The following MYH4 variants were observed in gnomAD, a reference collection of about 807,000 sequenced individuals.
MYH4 encodes myosin-4.
MYH4 carries 200 observed loss-of-function variants against 229.9 expected under a neutral mutation model. That is an observed-to-expected ratio of 0.87 (90% CI 0.78 to 0.98). MYH4 has a LOEUF of 0.98. Ranked by LOEUF, MYH4 falls within the 50% of genes least tolerant of loss-of-function variation. The pLI is 0.00. For missense variants in MYH4, 2,148 were observed against 2,332.6 expected (o/e 0.92, Z 1.63); for synonymous variants, 761 against 834.6 (o/e 0.91, Z 1.52).
chr17:10,452,661 A>G (rs2072590462), intron 25 of MYH4, 126 bp downstream of exon 25: 2 of 1,292,990 alleles, frequency 1.5e-6, no homozygotes, highest in Non-Finnish European at 2.1e-6. Context: ...ATTAAATAAA[A>G]AGGTCAAAGA....
At chr17:10,463,448 C>G (rs1170669798) in intron 8 of MYH4, 47 bp from the exon 9 acceptor site, 1 of 1,591,970 alleles carries the variant, frequency 6.3e-7, no homozygotes, top group African/African-American at 1.3e-5. Flanking sequence ...AAATCAGAAA[C>G]TATTTCTTTA....
Position 10,459,555 on chromosome 17 carries a change from T to C in MYH4, c.1417-134A>G, listed in dbSNP as rs2072678423. The C allele has an allele frequency of 3.4e-6, 5 of 1,455,502 alleles. No homozygotes were observed. The South Asian group carries it at 5.3e-5, about 15-fold the overall frequency. The allele number at this position is 1,455,502 out of a possible 1,614,324, so 90.2% of individuals were successfully genotyped here. Reference sequence around the variant, plus strand: ...AAACCTTCAGATTGTTTTCCTATTATATAGTTCTAAACAAAGTAGAATTGA... The same window carrying C: ...AAACCTTCAGATTGTTTTCCTATTACATAGTTCTAAACAAAGTAGAATTGA... On this transcript the variant is annotated intron_variant, in intron 14 of 39. Coordinates refer to ENST00000255381, the MANE Select transcript of MYH4 (RefSeq NM_017533.2).
At chr17:10,447,268 C>T (rs2072522614) in intron 34 of MYH4, 52 bp from the exon 35 acceptor site, 1 of 1,519,350 alleles carries the variant, frequency 6.6e-7, no homozygotes, top group Non-Finnish European at 9.1e-7. Flanking sequence ...AAAGCAAATG[C>T]AAACTTATGG....
At chr17:10,453,998 A>G (rs1288353823) in intron 22 of MYH4, 113 bp from the exon 23 acceptor site, 2 of 1,375,612 alleles carry the variant, frequency 1.5e-6, no homozygotes, top group Non-Finnish European at 2.0e-6. Context: ...CATGTATACC[A>G]GTTGCTAACT....
At position 10,461,047 on chromosome 17, in the gene MYH4, A is replaced by G. The variant is rs2072696547; in HGVS notation, c.1016T>C (p.Val339Ala). ...QEELMATDSA[V>A]DILGFTADEK... ...ATCAGCAGTGAAACCCAGGATGTCC[A>G]CAGCACTCTGTCAAAAGAGTTGAAT... The change falls in exon 12 of 40, where the codon GTG (valine) becomes GCG (alanine). Residue 339 changes from valine (V) to alanine (A), a missense_variant. Coordinates refer to ENST00000255381, the MANE Select transcript of MYH4 (RefSeq NM_017533.2). 1.9e-6 allele frequency: 3 copies of G among 1,614,116 alleles called. No homozygotes were observed. The highest frequency in any genetic ancestry group is 1.7e-5 in the Admixed American group (1 of 60,030).
chr17:10,456,564 C>G lies in MYH4; in HGVS notation c.1898-9G>C. 1 of 1,612,746 alleles carries G rather than the reference C, an allele frequency of 6.2e-7. No individual in the cohort carries two copies. The highest frequency in any genetic ancestry group is 8.5e-7 in the Non-Finnish European group (1 of 1,179,014). On this transcript the variant is annotated splice_polypyrimidine_tract_variant and intron_variant, in intron 16 of 39. Transcript: ENST00000255381. ...CTTTCCACCACCACCCTCTAAAAAA[C>G]AAAATGGGAAAAATAAAGTTATTTG...
rs749617157 is a variant in MYH4 at position 10,457,673 on chromosome 17, G to T, written c.1644C>A (p.Asp548Glu). ...EEECMFPKAT[D>E]TSFKNKLYEQ... ...CATACAGCTTGTTCTTGAAGGAGGT[G>T]TCTGTTGCCTTGGGGAACATGCACT... Residue 548 changes from aspartate to glutamate, a missense_variant, in exon 16 of 40, where the codon GAC becomes GAA. Transcript: ENST00000255381. 6.2e-7 allele frequency: 1 copy of T among 1,614,206 alleles called. No individual in the cohort carries two copies. The highest frequency in any genetic ancestry group is 8.5e-7 in the Non-Finnish European group (1 of 1,180,034).
Position 10,455,269 on chromosome 17 carries a change from A to G in MYH4, c.2201T>C (p.Ile734Thr), listed in dbSNP as rs747312194. 1.2e-6 allele frequency: 2 copies of G among 1,613,826 alleles called. No homozygotes were observed. The highest frequency in any genetic ancestry group is 1.6e-4 in the Middle Eastern group (1 of 6,084). The change falls in exon 20 of 40, where the codon ATC becomes ACC. Residue 734 changes from isoleucine to threonine, a missense_variant. Physicochemically the swap from Ile to Thr is moderately conservative, Grantham distance 89. Coordinates refer to ENST00000255381, the MANE Select transcript of MYH4 (RefSeq NM_017533.2). ...GCTGTCAATGAACTGACCCTCTGGGATAGCACTCGCATTTAGAACCTTGTA... is the reference window on the plus strand; with the variant it reads ...GCTGTCAATGAACTGACCCTCTGGGGTAGCACTCGCATTTAGAACCTTGTA... ...QRYKVLNASA[I>T]PEGQFIDSKK...
chr17:10,448,538 C>G lies in MYH4; in HGVS notation c.4532-18G>C, dbSNP rs934227134. On this transcript the variant is annotated intron_variant, in intron 32 of 39. Transcript: ENST00000255381. ...AATCTCCTCTGTAATAATAAAGTAC[C>G]AAATTTCAGTTAAGTAGAAAGAAAA... The G allele has an allele frequency of 1.2e-6, 2 of 1,610,924 alleles. No individual in the cohort carries two copies. The highest frequency in any genetic ancestry group is 1.7e-6 in the Non-Finnish European group (2 of 1,179,174).
At chr17:10,466,177 G>A (rs534725147) in intron 4 of MYH4, 96 bp downstream of exon 4, 598 of 1,416,224 alleles carry the variant, frequency 4.2e-4, no homozygotes, top group Middle Eastern at 1.2e-3. Flanking sequence ...TAAAAGAACA[G>A]TTCAATAGCC....
chr17:10,461,097 G>A (rs1369931627), intron 11 of MYH4, 43 bp from the exon 12 acceptor site: 1 of 1,608,006 alleles, frequency 6.2e-7, no homozygotes. Flanking sequence ...TTAGCACCAT[G>A]GAAGAATCCC....
Position 10,463,623 on chromosome 17 carries a change from G to A in MYH4, c.669C>T (p.Ile223=), listed in dbSNP as rs1023014568. 12 of 1,610,708 alleles carry A rather than the reference G, an allele frequency of 7.5e-6. No individual in the cohort carries two copies. Among genetic ancestry groups the A allele is most frequent in the Non-Finnish European group, 9.3e-6 (11 of 1,178,784 alleles). The change falls in exon 8 of 40, where the codon ATC becomes ATT. Residue 223 remains isoleucine (I), a synonymous_variant. Transcript: ENST00000255381. The part of the protein sequence containing the change: ...GKMQGTLEDQ[I]ISANPLLEAF... Reference sequence around the variant, plus strand: ...CTTCCAGTAGGGGGTTAGCACTGATGATTTGATCTTCAAGGGTCCCCTTAA... The same window carrying A: ...CTTCCAGTAGGGGGTTAGCACTGATAATTTGATCTTCAAGGGTCCCCTTAA...
At chr17:10,462,764 C>T in intron 11 of MYH4, 101 bp downstream of exon 11, 1 of 916,112 alleles carries the variant, frequency 1.1e-6, no homozygotes, top group Non-Finnish European at 1.6e-6. Context: ...GTTGTATTAC[C>T]TATTTATAGT....
Position 10,447,955 on chromosome 17 carries a change from T to C in MYH4, c.4828A>G (p.Arg1610Gly), listed in dbSNP as rs2072529900. 1 of 1,614,060 alleles carries C rather than the reference T, an allele frequency of 6.2e-7. No homozygotes were observed. The highest frequency in any genetic ancestry group is 8.5e-7 in the Non-Finnish European group (1 of 1,179,982). The stretch of plus-strand genomic sequence containing the variant: ...ATCCTCAGAGCATCATTTCTGCTCC[T>C]GATCTCAGCATCCAGTGTACTCTGC... The part of the protein sequence containing the change: ...SMQSTLDAEI[R>G]SRNDALRIKK... Residue 1610 changes from arginine to glycine, a missense_variant, in exon 34 of 40, where the codon AGG becomes GGG. Physicochemically the swap from Arg to Gly is moderately radical, Grantham distance 125. Transcript: ENST00000255381.
rs780476111 is a variant in MYH4 at position 10,445,031 on chromosome 17, G to A, written c.5411C>T (p.Ala1804Val). 3.7e-6 allele frequency: 6 copies of A among 1,614,090 alleles called. No individual in the cohort carries two copies. The Admixed American group carries it at 8.3e-5, about 22-fold the overall frequency. ...VKDLQLRLDEAEQLALKGGKK... is the reference protein window; with the variant it reads ...VKDLQLRLDEVEQLALKGGKK... Reference sequence around the variant, plus strand: ...CCCACCCTTCAGCGCCAGCTGCTCAGCCTCATCCAGACGGAGCTGCAGATC... The same window carrying A: ...CCCACCCTTCAGCGCCAGCTGCTCAACCTCATCCAGACGGAGCTGCAGATC... The change falls in exon 37 of 40, where the codon GCT becomes GTT. Residue 1804 changes from alanine (A) to valine (V), a missense_variant. Physicochemically the swap from Ala to Val is moderately conservative, Grantham distance 64. Coordinates refer to ENST00000255381, the MANE Select transcript of MYH4 (RefSeq NM_017533.2).
chr17:10,446,054 A>AAAAAG (rs2072509456), intron 35 of MYH4, among the ~76,000 whole-genome samples: 1 of 134,312 alleles, frequency 7.4e-6, no homozygotes, highest in Non-Finnish European at 1.6e-5. Context: ...AAAAAAAAAT[A>AAAAAG]GTAGTCTTGT....
chr17:10,467,817 A>G (rs551115467), intron 2 of MYH4, among the ~76,000 whole-genome samples: 1 of 152,358 alleles, frequency 6.6e-6, no homozygotes, highest in Admixed American at 6.5e-5. Context: ...AAAATAAAAT[A>G]AGTCCTGCTG....
At chr17:10,456,602 A>G (rs947067169) in intron 16 of MYH4, 47 bp from the exon 17 acceptor site, 1 of 1,499,750 alleles carries the variant, frequency 6.7e-7, no homozygotes, top group Non-Finnish European at 9.3e-7. Flanking sequence ...ACTGCCTTTT[A>G]AGTACTATCC....
rs756659582 is a variant in MYH4, at chr17:10,453,781, A to C, written c.2796T>G (p.Asp932Glu). 2.9e-5 allele frequency: 47 copies of C among 1,613,786 alleles called. No homozygotes were observed. The highest frequency in any genetic ancestry group is 3.9e-5 in the Non-Finnish European group (46 of 1,179,970). ...KIKEVTERAE[D>E]EEEINAELTA... ...TCAGCTCAGCATTGATCTCTTCCTC[A>C]TCCTCAGCTCTTTCAGTTACCTCTT... Residue 932 changes from aspartate to glutamate, a missense_variant, in exon 23 of 40, where the codon GAT becomes GAG. By Grantham distance (45) the Asp-to-Glu change is conservative (BLOSUM62 2). Coordinates refer to ENST00000255381, the MANE Select transcript of MYH4 (RefSeq NM_017533.2).
Sources: allele counts gnomAD v4.1 joint callset (sites outside exome capture counted in the v4.1 genomes callset), GRCh38; gene constraint gnomAD v4.1.1; transcripts MANE v1.5; gene names NCBI Gene and HGNC (gene_info 2026-07-23, HGNC 2026-07-21).